Variants in KCNMA1 observed in about 807,000 individuals in gnomAD.
KCNMA1 encodes Calcium-activated potassium channel subunit alpha-1.
A neutral mutation model predicts 140.0 loss-of-function variants in KCNMA1; 29 were observed. The observed-to-expected ratio is 0.21, with a 90% confidence interval of 0.15 to 0.28. KCNMA1 has a LOEUF of 0.28. Ranked by LOEUF, KCNMA1 falls within the 10% of genes least tolerant of loss-of-function variation. The probability of loss-of-function intolerance (pLI) is 1.00; values close to 1 mark genes in which losing one functional copy is unlikely to be tolerated. For synonymous variants in KCNMA1, 612 were observed against 611.9 expected, an observed-to-expected ratio of 1.00 and a Z score of 0.00; for missense variants, 880 against 1,602.2, an observed-to-expected ratio of 0.55 and a Z score of 7.70.
At chr10:77,344,092 G>GA (rs1261453206) in intron 2 of KCNMA1, among the ~76,000 whole-genome samples, 2 of 152,198 alleles carry the variant, frequency 1.3e-5, no homozygotes, top group Admixed American at 6.5e-5. Flanking sequence ...GCCCAGAAGT[G>GA]ATGCACATCC....
intron 19 of KCNMA1, among the ~76,000 whole-genome samples, chr10:76,984,691 T>C (rs1394532166): frequency 1.3e-5 from 2 of 150,700 alleles, no homozygotes; most frequent in East Asian, 2.0e-4. Context: ...TCAGATAGCA[T>C]AGGCAATCCA....
At chr10:76,990,624 C>T (rs2082468046) in intron 19 of KCNMA1, among the ~76,000 whole-genome samples, 1 of 152,186 alleles carries the variant, frequency 6.6e-6, no homozygotes, top group Non-Finnish European at 1.5e-5. Context: ...ATAGTTGCAG[C>T]TTTTATTTTC....
intron 2 of KCNMA1, among the ~76,000 whole-genome samples, chr10:77,273,402 T>C: frequency 6.6e-6 from 1 of 152,182 alleles, no homozygotes; most frequent in Non-Finnish European, 1.5e-5. Flanking sequence ...GAAGTACTTA[T>C]TACATTACAT....
chr10:77,263,841 G>A (rs2062682994), intron 2 of KCNMA1, among the ~76,000 whole-genome samples: 4 of 152,234 alleles, frequency 2.6e-5, no homozygotes, highest in Middle Eastern at 3.4e-3. Flanking sequence ...AATGGACTGG[G>A]CTTGCTAAGA....
At chr10:76,923,501 G>C (rs1456639087) in intron 23 of KCNMA1, among the ~76,000 whole-genome samples, 3 of 151,996 alleles carry the variant, frequency 2.0e-5, no homozygotes. Context: ...CAGAAGGGTT[G>C]GTTAAGGGGA....
intron 1 of KCNMA1, among the ~76,000 whole-genome samples, chr10:77,462,218 C>G (rs1218901616): frequency 6.6e-6 from 1 of 152,030 alleles, no homozygotes; most frequent in Non-Finnish European, 1.5e-5. Context: ...CACATATACT[C>G]AGATAGATGC....
At chr10:77,248,655 A>T (rs1031544544) in intron 3 of KCNMA1, among the ~76,000 whole-genome samples, 2 of 152,236 alleles carry the variant, frequency 1.3e-5, no homozygotes, top group African/African-American at 2.4e-5. Context: ...CATGGATTTT[A>T]AGAATGTACA....
Position 77,184,657 on chromosome 10 carries a change from T to C in KCNMA1, c.696+166A>G, listed in dbSNP as rs188524022. Among the ~76,000 whole-genome samples the C allele has an allele frequency of 1.2e-4, 19 of 152,270 alleles. No homozygotes were observed. The East Asian group carries it at 3.7e-3, about 29-fold the overall frequency. On this transcript the variant is annotated intron_variant, in intron 4 of 27. Coordinates refer to ENST00000286628, the MANE Select transcript of KCNMA1 (RefSeq NM_001161352.2). Reference sequence around the variant, plus strand: ...CAAAACTGATGTGAATTCCAGAAAATGCTTAGCTAAGGAGAGGGCTCTCTC... The same window carrying C: ...CAAAACTGATGTGAATTCCAGAAAACGCTTAGCTAAGGAGAGGGCTCTCTC...
At chr10:77,605,727 C>A (rs1183269923) in intron 1 of KCNMA1, among the ~76,000 whole-genome samples, 1 of 152,246 alleles carries the variant, frequency 6.6e-6, no homozygotes, top group African/African-American at 2.4e-5. Flanking sequence ...TTTCCCACAT[C>A]CCAGGCCAGG....
At chr10:76,872,145 C>G (rs1299406081) in exon 28 of KCNMA1, 1 of 152,192 alleles carries the variant, frequency 6.6e-6, no homozygotes, top group Non-Finnish European at 1.5e-5. Context: ...GTATGATTGG[C>G]AGGTTTTTAA....
chr10:77,488,004 T>C (rs774747137), intron 1 of KCNMA1, among the ~76,000 whole-genome samples: 38 of 152,332 alleles, frequency 2.5e-4, no homozygotes, highest in Admixed American at 1.7e-3. Context: ...CCTTCTGCAA[T>C]ATGGGTTAAC....
At chr10:77,059,098 C>G (rs910250971) in intron 14 of KCNMA1, among the ~76,000 whole-genome samples, 12 of 151,836 alleles carry the variant, frequency 7.9e-5, no homozygotes, top group African/African-American at 2.9e-4. Flanking sequence ...TTGAAAAACT[C>G]AGATAAATTA....
intron 3 of KCNMA1, among the ~76,000 whole-genome samples, chr10:77,238,814 T>C (rs1294647290): frequency 6.6e-6 from 1 of 152,214 alleles, no homozygotes; most frequent in East Asian, 1.9e-4. Context: ...TTGGGTTTCA[T>C]TGACCAACTA....
chr10:77,121,029 A>G lies in KCNMA1; in HGVS notation c.828T>C (p.Ala276=), dbSNP rs199712953. 8.8e-6 allele frequency: 14 copies of G among 1,598,596 alleles called. No individual in the cohort carries two copies. Among genetic ancestry groups the G allele is most frequent in the Non-Finnish European group, 1.1e-5 (13 of 1,167,690 alleles). ...RSWLGLRFLR[A]LRLIQFSEIL... ...TTTCTGAAAACTGTATCAGTCTCAG[A>G]GCTCTTAAAAATCTCAAACCTGGAA... is the stretch of plus-strand genomic sequence containing the variant. Residue 276 remains alanine (A), a synonymous_variant, in exon 6 of 28, where the codon GCT becomes GCC. Transcript: ENST00000286628.
In KCNMA1 at chr10:77,516,319, G is replaced by C. The variant is rs548745474; in HGVS notation, c.379-112296C>G. Among the ~76,000 whole-genome samples, 41 of 152,062 alleles carry C rather than the reference G, an allele frequency of 2.7e-4. No individual in the cohort carries two copies. In the East Asian group the frequency reaches 7.6e-3, roughly 28 times the overall value. ...TGCTCCAAACTCCCCTTAACAAAGA[G>C]CTTTCTCTCCATGCACCCTCCATAG... On this transcript the variant is annotated intron_variant, in intron 1 of 27. Transcript: ENST00000286628.
rs892336103 is a variant in KCNMA1, at chr10:77,129,455, G to A, written c.809-8407C>T. On this transcript the variant is annotated intron_variant, in intron 5 of 27. Transcript: ENST00000286628. ...CCAAATAGCAAATTTCCGTTAATCC[G>A]AGTAATCACTTGAGTAATTTAAAAC... 3.3e-5 allele frequency among the ~76,000 whole-genome samples: 5 copies of A among 152,034 alleles called. 1 individual carries two copies. The highest frequency in any genetic ancestry group is 1.9e-4 in the East Asian group (1 of 5,190).
At chr10:77,266,079 C>CAA (rs71975813) in intron 2 of KCNMA1, among the ~76,000 whole-genome samples, 42,095 of 137,232 alleles carry the variant, frequency 0.31, 7,794 homozygotes, top group Non-Finnish European at 0.42. Context: ...GAAAACCTGC[C>CAA]AAAAAAAAAA....
At chr10:77,180,270 A>G (rs192652177) in intron 5 of KCNMA1, among the ~76,000 whole-genome samples, 96 of 152,340 alleles carry the variant, frequency 6.3e-4, no homozygotes, top group African/African-American at 2.3e-3. Flanking sequence ...TTTATAAGTC[A>G]TATCTCATGG....
At position 77,001,567 on chromosome 10, in the gene KCNMA1, G is replaced by A. The variant is rs903379397; in HGVS notation, c.2106C>T (p.Ile702=). 65 of 1,551,748 alleles carry A rather than the reference G, an allele frequency of 4.2e-5. No individual in the cohort carries two copies. The highest frequency in any genetic ancestry group is 5.3e-5 in the Non-Finnish European group (61 of 1,146,686). ...AACATGCCCGTCTCATTCTCTTGTA[G>A]ATGGACATCTTGGCTATAACCGTGT... ...KCGCKRPKMS[I]YKRMRRACCF... Residue 702 remains isoleucine, a synonymous_variant, in exon 19 of 28, where the codon ATC becomes ATT. Transcript: ENST00000286628.
Sources: allele counts gnomAD v4.1 joint callset (sites outside exome capture counted in the v4.1 genomes callset), GRCh38; gene constraint gnomAD v4.1.1; transcripts MANE v1.5; gene names NCBI Gene and HGNC (gene_info 2026-07-23, HGNC 2026-07-21).